MTUS1: variants seen among roughly 807,000 people sequenced by gnomAD.
MTUS1 encodes the protein microtubule-associated tumor suppressor 1.
Under a neutral mutation model 120.8 loss-of-function variants are expected in MTUS1, and 109 were observed. The observed-to-expected ratio is 0.90, with a 90% CI of 0.77 to 1.06. The LOEUF is 1.06. MTUS1 is among the 50% of genes least tolerant of loss of function. The pLI, the probability that MTUS1 is intolerant of heterozygous loss-of-function variation, is 0.00. For missense variants in MTUS1, 2,210 were observed against 1,486.3 expected (o/e 1.49, Z -8.01); for synonymous variants, 737 against 550.5 (o/e 1.34, Z -4.74).
intron 2 of MTUS1, among the ~76,000 whole-genome samples, chr8:17,747,672 C>T (rs1469595952): frequency 1.3e-5 from 2 of 152,198 alleles, no homozygotes; most frequent in African/African-American, 2.4e-5. Flanking sequence ...TGCCTTGCCC[C>T]CCACATCCCA....
chr8:17,761,015 G>C (rs1437319730), intron 1 of MTUS1, among the ~76,000 whole-genome samples: 2 of 146,802 alleles, frequency 1.4e-5, no homozygotes, highest in Non-Finnish European at 3.1e-5. Context: ...GGAAAACAAG[G>C]AGATCTTTTT....
At chr8:17,666,090 CTTTTTTTT>C (rs57062684) in intron 8 of MTUS1, among the ~76,000 whole-genome samples, 7,543 of 111,172 alleles carry the variant, frequency 0.068, 469 homozygotes, top group East Asian at 0.29. Context: ...AGAACAGATG[CTTTTTTTT>C]TTTTTTTTTT....
At chr8:17,680,546 G>A (rs538398162) in intron 7 of MTUS1, among the ~76,000 whole-genome samples, 34 of 149,428 alleles carry the variant, frequency 2.3e-4, no homozygotes, top group Non-Finnish European at 4.4e-4. Context: ...TGGCTGTCAG[G>A]ACCTAAATTT....
At chr8:17,759,443 A>C (rs1563342444) in intron 1 of MTUS1, among the ~76,000 whole-genome samples, 2 of 151,210 alleles carry the variant, frequency 1.3e-5, no homozygotes, top group Non-Finnish European at 2.9e-5. Flanking sequence ...TTTTTAAAAA[A>C]CTTTTTGTAG....
chr8:17,742,929 G>A (rs1034733596), intron 3 of MTUS1, among the ~76,000 whole-genome samples: 1 of 152,118 alleles, frequency 6.6e-6, no homozygotes, highest in Non-Finnish European at 1.5e-5. Flanking sequence ...TGGGTTCTTT[G>A]CAAGATGTTC....
rs142271059 is a variant in MTUS1, at chr8:17,743,040, A to G, written c.2287+564T>C. Among the ~76,000 whole-genome samples, 64 of 152,220 alleles carry G rather than the reference A, an allele frequency of 4.2e-4. 1 individual carries two copies. The highest frequency in any genetic ancestry group is 4.1e-4 in the African/African-American group (17 of 41,532). On this transcript the variant is annotated intron_variant, in intron 3 of 14. Coordinates refer to ENST00000693296, the MANE Select transcript of MTUS1 (RefSeq NM_001363059.2). The stretch of plus-strand genomic sequence containing the variant: ...GATCTGTACGTCCGCCAAATTTAGT[A>G]TGATACTTAATAGCTATTCTTGAGG...
At chr8:17,692,647 AAAC>A (rs1356760473) in intron 6 of MTUS1, among the ~76,000 whole-genome samples, 5 of 152,178 alleles carry the variant, frequency 3.3e-5, no homozygotes, top group African/African-American at 1.2e-4. Flanking sequence ...CAAAGAAGGG[AAAC>A]AACAGATGGG....
At chr8:17,703,869 A>T (rs1585817307) in intron 6 of MTUS1, 1 of 152,230 alleles carries the variant, frequency 6.6e-6, no homozygotes, top group Admixed American at 6.6e-5. Context: ...AGAAGCATGT[A>T]ATCTTTGCTC....
intron 1 of MTUS1, among the ~76,000 whole-genome samples, chr8:17,758,477 T>C (rs968821653): frequency 1.0e-4 from 16 of 152,384 alleles, no homozygotes; most frequent in African/African-American, 3.6e-4. Flanking sequence ...AATCACTGAA[T>C]AGTTTATTGG....
At chr8:17,779,914 C>A (rs1290495163) in intron 1 of MTUS1, among the ~76,000 whole-genome samples, 1 of 152,214 alleles carries the variant, frequency 6.6e-6, no homozygotes, top group East Asian at 1.9e-4. Flanking sequence ...GGTTTGAATT[C>A]TCAACTGTCA....
Position 17,645,041 on chromosome 8 carries a change from T to TTTTC in MTUS1, c.*881_*884dup, listed in dbSNP as rs1156380221. The TTTTC allele has an allele frequency of 4.3e-5, 5 of 115,480 alleles. No individual in the cohort carries two copies. The highest frequency in any genetic ancestry group is 1.7e-4 in the African/African-American group (5 of 29,260). 7.2% of individuals were successfully genotyped at this position (115,480 alleles called of 1,614,324 possible). A position where few individuals can be genotyped will look rare whatever the true frequency, so the allele number is the denominator to read the frequency against. On this transcript the variant is annotated 3_prime_UTR_variant, in exon 15 of 15. Coordinates refer to ENST00000693296, the MANE Select transcript of MTUS1 (RefSeq NM_001363059.2). ...TGGAAAAACCCATTGGTACTTCCCT[T>TTTTC]TTTCTTTCTTTACACAGTTAGTTAG...
intron 1 of MTUS1, among the ~76,000 whole-genome samples, chr8:17,788,595 G>C (rs2051505732): frequency 6.6e-6 from 1 of 152,160 alleles, no homozygotes; most frequent in South Asian, 2.1e-4. Context: ...GGCTAGGAAG[G>C]ATCATGTGCC....
chr8:17,650,083 G>C, intron 12 of MTUS1, 121 bp from the exon 13 acceptor site: 2 of 711,694 alleles, frequency 2.8e-6, no homozygotes, highest in Non-Finnish European at 5.0e-6. Context: ...CATCATCTTA[G>C]AGCAATTTCA....
In MTUS1 at chr8:17,656,011, G is replaced by A; in HGVS notation, c.2960C>T (p.Thr987Ile). 2 of 1,614,024 alleles carry A rather than the reference G, an allele frequency of 1.2e-6. No homozygotes were observed. The highest frequency in any genetic ancestry group is 1.7e-5 in the Admixed American group (1 of 60,028). Reference protein sequence around the residue: ...KLEKARNELQTVYEAFVQQHQ... With the variant: ...KLEKARNELQIVYEAFVQQHQ... ...CTGCTGGACGAATGCTTCATACACT[G>A]TTTGTAACTCATTCCTGGCTTTTTC... The change falls in exon 9 of 15, where the codon ACA becomes ATA. Residue 987 changes from threonine to isoleucine, a missense_variant. By Grantham distance (89) the Thr-to-Ile change is moderately conservative. Coordinates refer to ENST00000693296, the MANE Select transcript of MTUS1 (RefSeq NM_001363059.2).
rs542325139 is a variant in MTUS1, at chr8:17,694,191, T to A, written c.2624-9649A>T. On this transcript the variant is annotated intron_variant, in intron 6 of 14. Transcript: ENST00000693296. ...ATTCTCTTCCCTTGGCCTCCCAAAGTACTGGGATTATAGGTGTGAGCCAGT... is the reference window on the plus strand; with the variant it reads ...ATTCTCTTCCCTTGGCCTCCCAAAGAACTGGGATTATAGGTGTGAGCCAGT... Among the ~76,000 whole-genome samples, 11 of 152,290 alleles carry A rather than the reference T, an allele frequency of 7.2e-5. No homozygotes were observed. In the East Asian group the frequency reaches 1.9e-3, roughly 27 times the overall value.
At chr8:17,654,517 C>G (rs775361740) in intron 10 of MTUS1, 44 bp downstream of exon 10, 3 of 1,256,182 alleles carry the variant, frequency 2.4e-6, no homozygotes, top group Non-Finnish European at 3.5e-6. Context: ...CATGTGGTTC[C>G]TTCAGATTTT....
intron 4 of MTUS1, among the ~76,000 whole-genome samples, chr8:17,718,096 A>T (rs1202894220): frequency 6.6e-6 from 1 of 152,200 alleles, no homozygotes; most frequent in Admixed American, 6.5e-5. Flanking sequence ...TCTTTCTCTC[A>T]ATTTCTACTT....
At chr8:17,732,601 G>A (rs1334908207) in intron 3 of MTUS1, among the ~76,000 whole-genome samples, 5 of 152,068 alleles carry the variant, frequency 3.3e-5, no homozygotes, top group Non-Finnish European at 5.9e-5. Context: ...TTTCTCCCAC[G>A]CACTTCAAAC....
At chr8:17,771,170 T>C (rs1415198441) in intron 1 of MTUS1, among the ~76,000 whole-genome samples, 4 of 152,078 alleles carry the variant, frequency 2.6e-5, no homozygotes, top group Non-Finnish European at 5.9e-5. Context: ...TTCAGACTGC[T>C]CAAAAATTAT....
Sources: allele counts gnomAD v4.1 joint callset (sites outside exome capture counted in the v4.1 genomes callset), GRCh38; gene constraint gnomAD v4.1.1; transcripts MANE v1.5; gene names NCBI Gene and HGNC (gene_info 2026-07-23, HGNC 2026-07-21).